MAMDC2: variants seen among roughly 807,000 people sequenced by gnomAD.
MAMDC2 encodes the protein MAM domain-containing protein 2.
Under a neutral mutation model 89.8 loss-of-function variants are expected in MAMDC2, and 57 were observed. The ratio of observed to expected loss-of-function variants is 0.63; its 90% CI spans 0.51 to 0.79. MAMDC2 has a LOEUF of 0.79. Among genes scored for constraint, MAMDC2 ranks in the 30% least tolerant of loss-of-function variants. The probability of loss-of-function intolerance (pLI) is 0.00; values close to 1 mark genes in which losing one functional copy is unlikely to be tolerated. For synonymous variants in MAMDC2, 313 were observed against 293.4 expected, an observed-to-expected ratio of 1.07 and a Z score of -0.68; for missense variants, 800 against 820.6, an observed-to-expected ratio of 0.97 and a Z score of 0.31.
chr9:70,217,542 A>T, intron 11 of MAMDC2: 2 of 1,585,602 alleles, frequency 1.3e-6, no homozygotes, highest in Non-Finnish European at 1.7e-6. Context: ...AGGAAGCAAA[A>T]AAGGCTAAGC....
intron 11 of MAMDC2, among the ~76,000 whole-genome samples, chr9:70,206,978 C>T (rs989834869): frequency 4.6e-5 from 7 of 152,162 alleles, no homozygotes; most frequent in African/African-American, 1.7e-4. Context: ...TTTATGGCTG[C>T]ATAGTATTCC....
intron 6 of MAMDC2, among the ~76,000 whole-genome samples, chr9:70,126,873 C>T (rs1373297275): frequency 6.6e-6 from 1 of 150,480 alleles, no homozygotes; most frequent in African/African-American, 2.5e-5. Flanking sequence ...TTTTTTGCAG[C>T]ATAAATAATG....
chr9:70,203,196 G>A (rs1451836769), intron 11 of MAMDC2, among the ~76,000 whole-genome samples: 1 of 152,068 alleles, frequency 6.6e-6, no homozygotes, highest in East Asian at 1.9e-4. Flanking sequence ...GCTGGTACCG[G>A]TTGTTCCTTT....
intron 9 of MAMDC2, among the ~76,000 whole-genome samples, chr9:70,144,706 G>T (rs116433144): frequency 4.5e-4 from 69 of 152,344 alleles, no homozygotes; most frequent in African/African-American, 1.6e-3. Flanking sequence ...GAATGAATGA[G>T]TCTATCACAT....
chr9:70,143,696 C>G lies in MAMDC2; in HGVS notation c.1281C>G (p.Thr427=). 1 of 1,614,098 alleles carries G rather than the reference C, an allele frequency of 6.2e-7. No individual in the cohort carries two copies. Among genetic ancestry groups the G allele is most frequent in the Non-Finnish European group, 8.5e-7 (1 of 1,180,000 alleles). The part of the protein sequence containing the change: ...AIYGFLKMSD[T]LAVYIFEENH... ...ATGGATTTTTAAAAATGAGTGACAC[C>G]CTAGCAGTTTACATCTTTGAAGAGA... The change falls in exon 9 of 14, where the codon ACC becomes ACG. Residue 427 remains threonine, a synonymous_variant. Coordinates refer to ENST00000377182, the MANE Select transcript of MAMDC2 (RefSeq NM_153267.5).
At chr9:70,099,778 C>T (rs1204639065) in intron 2 of MAMDC2, among the ~76,000 whole-genome samples, 1 of 152,020 alleles carries the variant, frequency 6.6e-6, no homozygotes, top group Non-Finnish European at 1.5e-5. Context: ...AGTTCGAGAC[C>T]AGCCTGGCCA....
chr9:70,049,900 T>C (rs1056345548), intron 2 of MAMDC2, among the ~76,000 whole-genome samples: 2 of 152,146 alleles, frequency 1.3e-5, no homozygotes, highest in Non-Finnish European at 2.9e-5. Context: ...TTGGAGGTCA[T>C]CCAGTGCTGC....
At chr9:70,187,875 G>A (rs2032791822) in intron 11 of MAMDC2, among the ~76,000 whole-genome samples, 1 of 152,102 alleles carries the variant, frequency 6.6e-6, no homozygotes, top group South Asian at 2.1e-4. Context: ...GTGGACATAT[G>A]TTTTCATTTT....
At chr9:70,150,619 GAA>G (rs2031551401) in intron 9 of MAMDC2, among the ~76,000 whole-genome samples, 1 of 152,168 alleles carries the variant, frequency 6.6e-6, no homozygotes, top group Non-Finnish European at 1.5e-5. Context: ...TGAAGAAACT[GAA>G]GTTTCAGGAA....
At chr9:70,121,064 C>T (rs577047452) in intron 5 of MAMDC2, among the ~76,000 whole-genome samples, 53 of 152,338 alleles carry the variant, frequency 3.5e-4, no homozygotes, top group Non-Finnish European at 7.5e-4. Flanking sequence ...ATGTGGCCAG[C>T]AGGGCGCATC....
chr9:70,161,045 T>C (rs1287017368), intron 9 of MAMDC2, among the ~76,000 whole-genome samples: 2 of 152,036 alleles, frequency 1.3e-5, no homozygotes, highest in African/African-American at 4.8e-5. Flanking sequence ...CATACCCGAG[T>C]CTGCAACTGG....
At chr9:70,170,221 A>G in intron 10 of MAMDC2, 1 of 382,882 alleles carries the variant, frequency 2.6e-6, no homozygotes, top group South Asian at 1.4e-4. Context: ...CACAAGTCAG[A>G]GAAAGTTTTT....
chr9:70,174,130 T>C (rs150608738), intron 11 of MAMDC2, among the ~76,000 whole-genome samples: 11 of 152,330 alleles, frequency 7.2e-5, no homozygotes, highest in African/African-American at 2.6e-4. Context: ...AAACAAGATA[T>C]AAAACATACT....
At chr9:70,100,010 G>GAGAA (rs1397124125) in intron 2 of MAMDC2, among the ~76,000 whole-genome samples, 1 of 132,604 alleles carries the variant, frequency 7.5e-6, no homozygotes, top group Non-Finnish European at 1.5e-5. Flanking sequence ...GAGAGAGAGA[G>GAGAA]AGAGAGAGAG....
chr9:70,162,416 C>G (rs1401948878), intron 9 of MAMDC2, among the ~76,000 whole-genome samples: 1 of 151,898 alleles, frequency 6.6e-6, no homozygotes, highest in Non-Finnish European at 1.5e-5. Flanking sequence ...TATTTTAAAA[C>G]CTATCTTGAT....
At chr9:70,100,023 A>AGAGAGAGAGAGG (rs1359855878) in intron 2 of MAMDC2, among the ~76,000 whole-genome samples, 1 of 142,776 alleles carries the variant, frequency 7.0e-6, no homozygotes, top group Non-Finnish European at 1.5e-5. Flanking sequence ...AGAGAGAGAG[A>AGAGAGAGAGAGG]GCACAAGCAC....
chr9:70,047,157 T>C (rs1025386918), intron 2 of MAMDC2, among the ~76,000 whole-genome samples: 6 of 151,934 alleles, frequency 3.9e-5, no homozygotes, highest in African/African-American at 1.5e-4. Context: ...CCATGGAAAG[T>C]AGTGGGTTTC....
At position 70,057,148 on chromosome 9, in the gene MAMDC2, A is replaced by G. The variant is rs537822002; in HGVS notation, c.148+12451A>G. ...GTTTGTGGGAAAATTGTCTCCCACA[A>G]ACCAGTCCCTGGTGCCAAAAAGTTT... is the stretch of plus-strand genomic sequence containing the variant. On this transcript the variant is annotated intron_variant, in intron 2 of 13. Coordinates refer to ENST00000377182, the MANE Select transcript of MAMDC2 (RefSeq NM_153267.5). Among the ~76,000 whole-genome samples, 7 of 152,256 alleles carry G rather than the reference A, an allele frequency of 4.6e-5. No homozygotes were observed. The East Asian group carries it at 1.4e-3, about 29-fold the overall frequency.
chr9:70,044,509 T>TC, intron 1 of MAMDC2, 75 bp from the exon 2 acceptor site: 2 of 1,180,068 alleles, frequency 1.7e-6, no homozygotes, highest in Non-Finnish European at 1.2e-6. Context: ...CACCAGGTAG[T>TC]CCCCCTGGGG....
Sources: gnomAD v4.1 joint callset for allele counts (sites outside exome capture counted in the v4.1 genomes callset) on GRCh38, gnomAD v4.1.1 for gene constraint, MANE v1.5 for transcripts, NCBI Gene and HGNC (gene_info 2026-07-23, HGNC 2026-07-21) for gene names.